LINGO2: variants seen among roughly 807,000 people sequenced by gnomAD.
LINGO2 encodes the protein leucine rich repeat and Ig domain containing 2, also known as leucine-rich repeat and immunoglobulin-like domain-containing nogo receptor-interacting protein 2.
LINGO2 carries 14 observed loss-of-function variants against 30.6 expected under a neutral mutation model. The observed-to-expected ratio is 0.46, with a 90% CI of 0.30 to 0.72. LINGO2 has a LOEUF of 0.72. LINGO2 is among the 30% of genes least tolerant of loss of function. The probability of loss-of-function intolerance (pLI) is 0.07; values close to 1 mark genes in which losing one functional copy is unlikely to be tolerated. For synonymous variants in LINGO2, 317 were observed against 288.5 expected, an observed-to-expected ratio of 1.10 and a Z score of -1.00; for missense variants, 729 against 751.7, an observed-to-expected ratio of 0.97 and a Z score of 0.35.
chr9:27,952,334 A>G (rs1008159718), intron 5 of LINGO2, among the ~76,000 whole-genome samples: 1 of 151,960 alleles, frequency 6.6e-6, no homozygotes, highest in African/African-American at 2.4e-5. Context: ...CAAGAATCAA[A>G]ATAACTAAAA....
chr9:28,673,969 A>T (rs1283185448), upstream of LINGO2, among the ~76,000 whole-genome samples: 1 of 152,068 alleles, frequency 6.6e-6, no homozygotes, highest in Non-Finnish European at 1.5e-5. Flanking sequence ...ATAAAAAAAA[A>T]ATCCATCCAT....
At chr9:28,878,359 C>A in the LINGO2 span, among the ~76,000 whole-genome samples, 3 of 152,014 alleles carry the variant, frequency 2.0e-5, no homozygotes, top group Non-Finnish European at 4.4e-5. Flanking sequence ...GCTTACCAAC[C>A]AAAAAGAGTC....
At chr9:28,376,348 ATCT>A (rs1821131395) in intron 2 of LINGO2, among the ~76,000 whole-genome samples, 2 of 152,280 alleles carry the variant, frequency 1.3e-5, no homozygotes, top group South Asian at 2.1e-4. Flanking sequence ...TTCCCCACTA[ATCT>A]TCTTCTAAGA....
In LINGO2 at chr9:28,142,612, G is replaced by A. The variant is rs559845596; in HGVS notation, c.-86-130207C>T. ...GAAAGACTAGGTTAACTAATGAAAA[G>A]ATTGAAAGAGAATCTCAGTGTATAT... is the stretch of plus-strand genomic sequence containing the variant. On this transcript the variant is annotated intron_variant, in intron 4 of 5. Transcript: ENST00000379992. 7.2e-5 allele frequency among the ~76,000 whole-genome samples: 11 copies of A among 152,264 alleles called. No individual in the cohort carries two copies. The South Asian group carries it at 1.9e-3, about 26-fold the overall frequency.
At chr9:28,935,704 T>TTA in the LINGO2 span, among the ~76,000 whole-genome samples, 2 of 151,508 alleles carry the variant, frequency 1.3e-5, no homozygotes, top group African/African-American at 4.8e-5. Flanking sequence ...GTTCTTTTTT[T>TTA]AAAAAAACAA....
At chr9:28,395,140 CCAT>C (rs1486173020) in intron 2 of LINGO2, among the ~76,000 whole-genome samples, 1 of 152,126 alleles carries the variant, frequency 6.6e-6, no homozygotes, top group Non-Finnish European at 1.5e-5. Context: ...TCCCAGCCCA[CCAT>C]CAAAACTGAT....
chr9:28,888,126 G>A, the LINGO2 span, among the ~76,000 whole-genome samples: 1 of 151,970 alleles, frequency 6.6e-6, no homozygotes, highest in Non-Finnish European at 1.5e-5. Context: ...AAAGTATTTA[G>A]GTATGACTAT....
At chr9:28,456,887 G>T (rs1468301650) in intron 2 of LINGO2, among the ~76,000 whole-genome samples, 1 of 152,160 alleles carries the variant, frequency 6.6e-6, no homozygotes, top group Non-Finnish European at 1.5e-5. Flanking sequence ...TTCATTCCTT[G>T]TGGGATTTAT....
chr9:28,714,963 A>G, the LINGO2 span, among the ~76,000 whole-genome samples: 1 of 152,144 alleles, frequency 6.6e-6, no homozygotes, highest in South Asian at 2.1e-4. Flanking sequence ...AGTGAATTCT[A>G]ATAATTTTGT....
the LINGO2 span, among the ~76,000 whole-genome samples, chr9:29,189,549 C>A: frequency 4.4e-3 from 669 of 151,068 alleles, 9 homozygotes; most frequent in African/African-American, 0.015. Context: ...CAGGCAGAGA[C>A]GCTCCTCACT....
At chr9:29,097,071 T>G in the LINGO2 span, among the ~76,000 whole-genome samples, 4 of 139,310 alleles carry the variant, frequency 2.9e-5, no homozygotes, top group Non-Finnish European at 4.7e-5. Context: ...AAGGTATCTA[T>G]AGCATAGAAA....
the LINGO2 span, among the ~76,000 whole-genome samples, chr9:28,684,642 C>G: frequency 7.3e-5 from 11 of 151,690 alleles, no homozygotes; most frequent in Non-Finnish European, 1.0e-4. Flanking sequence ...CCTCAGCCTC[C>G]CAAGTAGCTG....
the LINGO2 span, among the ~76,000 whole-genome samples, chr9:28,789,383 G>A: frequency 1.7e-4 from 26 of 152,224 alleles, no homozygotes; most frequent in African/African-American, 6.0e-4. Flanking sequence ...CTAGATAACT[G>A]AGAACATTTT....
chr9:28,782,544 A>G, the LINGO2 span, among the ~76,000 whole-genome samples: 1 of 152,120 alleles, frequency 6.6e-6, no homozygotes, highest in South Asian at 2.1e-4. Flanking sequence ...ATGTGTTGTG[A>G]CAGTAGATCC....
At chr9:27,980,324 A>G (rs959075637) in intron 5 of LINGO2, among the ~76,000 whole-genome samples, 1 of 151,918 alleles carries the variant, frequency 6.6e-6, no homozygotes, top group Non-Finnish European at 1.5e-5. Context: ...TTTTAAACTA[A>G]TAATGCATTT....
At chr9:29,144,306 G>A in the LINGO2 span, among the ~76,000 whole-genome samples, 1 of 152,030 alleles carries the variant, frequency 6.6e-6, no homozygotes, top group African/African-American at 2.4e-5. Context: ...GAACGTCAGT[G>A]GAAGTTTAAT....
At chr9:29,173,709 G>A in the LINGO2 span, among the ~76,000 whole-genome samples, 1 of 152,022 alleles carries the variant, frequency 6.6e-6, no homozygotes, top group Non-Finnish European at 1.5e-5. Flanking sequence ...CATGAAGAAA[G>A]AATGAGGTCT....
At chr9:28,321,813 A>G (rs1315177157) in intron 3 of LINGO2, among the ~76,000 whole-genome samples, 1 of 152,176 alleles carries the variant, frequency 6.6e-6, no homozygotes, top group Non-Finnish European at 1.5e-5. Context: ...GGCCCACCCA[A>G]TTACACCCAC....
the LINGO2 span, among the ~76,000 whole-genome samples, chr9:28,931,317 C>T: frequency 6.6e-6 from 1 of 152,132 alleles, no homozygotes; most frequent in African/African-American, 2.4e-5. Flanking sequence ...GCTTAATTTG[C>T]AGTTCTTTTT....
Sources: gnomAD v4.1 joint callset for allele counts (sites outside exome capture counted in the v4.1 genomes callset) on GRCh38, gnomAD v4.1.1 for gene constraint, MANE v1.5 for transcripts, NCBI Gene and HGNC (gene_info 2026-07-23, HGNC 2026-07-21) for gene names.